Variants in CAMKMT observed in about 807,000 individuals in gnomAD.
CAMKMT encodes CaM KMT.
CAMKMT carries 53 observed loss-of-function variants against 48.0 expected under a neutral mutation model. The observed-to-expected ratio is 1.10, with a 90% CI of 0.89 to 1.39. The LOEUF (loss-of-function observed/expected upper bound fraction) is 1.39, where lower values mean the gene tolerates loss of function less well. CAMKMT is among the 40% of genes most tolerant of loss of function. The probability of loss-of-function intolerance (pLI) is 0.00; values close to 1 mark genes in which losing one functional copy is unlikely to be tolerated. For missense variants in CAMKMT, 428 were observed against 402.7 expected (o/e 1.06, Z -0.54); for synonymous variants, 165 against 152.3 (o/e 1.08, Z -0.61).
intron 3 of CAMKMT, chr2:44,400,906 A>ATACATGC (rs1682304753): frequency 1.4e-5 from 2 of 141,636 alleles, no homozygotes; most frequent in Admixed American, 7.3e-5. Context: ...GTATGTGTGT[A>ATACATGC]TGTGCATGTA....
At chr2:44,583,912 G>A (rs1669708055) in intron 3 of CAMKMT, among the ~76,000 whole-genome samples, 1 of 152,200 alleles carries the variant, frequency 6.6e-6, no homozygotes, top group Non-Finnish European at 1.5e-5. Context: ...CCATATGTGA[G>A]TGAATAGGTA....
chr2:44,368,702 G>A (rs911127207), intron 1 of CAMKMT, among the ~76,000 whole-genome samples: 6 of 152,012 alleles, frequency 3.9e-5, no homozygotes, highest in Non-Finnish European at 7.4e-5. Context: ...ACTATTAAAA[G>A]GTATTTACTG....
At chr2:44,439,303 CCTCT>C (rs1366596672) in intron 3 of CAMKMT, among the ~76,000 whole-genome samples, 2 of 151,990 alleles carry the variant, frequency 1.3e-5, no homozygotes, top group South Asian at 2.1e-4. Flanking sequence ...TACAATTAAT[CCTCT>C]CTCTCTCCTA....
chr2:44,707,623 T>C (rs1422830284), intron 6 of CAMKMT, among the ~76,000 whole-genome samples, 161 bp downstream of exon 6: 1 of 152,186 alleles, frequency 6.6e-6, no homozygotes, highest in Non-Finnish European at 1.5e-5. Context: ...ATGAATTCCT[T>C]GCATACAACT....
At chr2:44,362,989 A>G (rs1678110997) in intron 1 of CAMKMT, among the ~76,000 whole-genome samples, 1 of 152,088 alleles carries the variant, frequency 6.6e-6, no homozygotes, top group South Asian at 2.1e-4. Flanking sequence ...ACATTTTTCC[A>G]TTTCTGACAG....
chr2:44,438,775 G>A (rs1666448153), intron 3 of CAMKMT, among the ~76,000 whole-genome samples: 1 of 152,094 alleles, frequency 6.6e-6, no homozygotes, highest in South Asian at 2.1e-4. Flanking sequence ...ACGGCTCGCT[G>A]CAGCCTTTGC....
intron 2 of CAMKMT, among the ~76,000 whole-genome samples, chr2:44,381,798 C>T (rs148520001): frequency 4.6e-5 from 7 of 152,124 alleles, no homozygotes; most frequent in Non-Finnish European, 8.8e-5. Context: ...TTGAAGGCTG[C>T]GTACCAAAAT....
chr2:44,385,067 T>C (rs891774470), intron 2 of CAMKMT, among the ~76,000 whole-genome samples: 4 of 152,200 alleles, frequency 2.6e-5, no homozygotes, highest in Admixed American at 2.6e-4. Flanking sequence ...AGATTGCTTT[T>C]GGCAGTATGG....
At chr2:44,362,549 G>C (rs1222273102) in intron 1 of CAMKMT, among the ~76,000 whole-genome samples, 1 of 152,122 alleles carries the variant, frequency 6.6e-6, no homozygotes, top group African/African-American at 2.4e-5. Context: ...TCGAGTTACC[G>C]ATATTCGTCT....
At chr2:44,726,304 C>T (rs1007938373) in intron 7 of CAMKMT, among the ~76,000 whole-genome samples, 9 of 152,080 alleles carry the variant, frequency 5.9e-5, no homozygotes, top group Non-Finnish European at 8.8e-5. Flanking sequence ...GTATCTTGAC[C>T]TTTTAAGAAT....
At chr2:44,386,500 T>A (rs1417629976) in intron 2 of CAMKMT, among the ~76,000 whole-genome samples, 4 of 152,128 alleles carry the variant, frequency 2.6e-5, no homozygotes, top group Non-Finnish European at 5.9e-5. Context: ...TTGTTGTTGT[T>A]GTTTCAATTT....
chr2:44,591,589 A>C (rs1324761077), intron 3 of CAMKMT, among the ~76,000 whole-genome samples: 1 of 152,112 alleles, frequency 6.6e-6, no homozygotes, highest in Admixed American at 6.5e-5. Flanking sequence ...ATGTGGAGAA[A>C]TAGGAACACT....
intron 3 of CAMKMT, among the ~76,000 whole-genome samples, chr2:44,607,246 C>G (rs960261566): frequency 2.0e-5 from 3 of 152,150 alleles, no homozygotes; most frequent in African/African-American, 4.8e-5. Context: ...ATCATTCTAA[C>G]TCTTAAGAAC....
intron 3 of CAMKMT, among the ~76,000 whole-genome samples, chr2:44,662,193 C>T (rs1009795587): frequency 6.6e-6 from 1 of 152,202 alleles, no homozygotes; most frequent in Non-Finnish European, 1.5e-5. Context: ...CAGCTCTGTT[C>T]TTTATATGAA....
intron 3 of CAMKMT, among the ~76,000 whole-genome samples, chr2:44,620,597 C>T (rs999110002): frequency 3.3e-5 from 5 of 152,210 alleles, no homozygotes; most frequent in Non-Finnish European, 7.3e-5. Flanking sequence ...CTCTTTAATT[C>T]CTCAACTTGG....
intron 3 of CAMKMT, among the ~76,000 whole-genome samples, chr2:44,603,623 C>G (rs188547956): frequency 3.3e-5 from 5 of 152,232 alleles, no homozygotes; most frequent in African/African-American, 1.2e-4. Flanking sequence ...AGTCATCTGG[C>G]CATTCCACCA....
rs151214410 is a variant in CAMKMT at position 44,514,997 on chromosome 2, G to A, written c.376+124692G>A. ...CCTCTGAGAAGTTGGGTAGTCCTGTGTAGACCACTCACTTATTTCTACCAG... is the reference window on the plus strand; with the variant it reads ...CCTCTGAGAAGTTGGGTAGTCCTGTATAGACCACTCACTTATTTCTACCAG... On this transcript the variant is annotated intron_variant, in intron 3 of 10. Coordinates refer to ENST00000378494, the MANE Select transcript of CAMKMT (RefSeq NM_024766.5). Among the ~76,000 whole-genome samples the A allele has an allele frequency of 3.4e-4, 52 of 152,310 alleles. No individual in the cohort carries two copies. In the East Asian group the frequency reaches 3.9e-3, roughly 11 times the overall value.
intron 2 of CAMKMT, among the ~76,000 whole-genome samples, chr2:44,386,942 T>A (rs977811836): frequency 1.4e-4 from 21 of 152,144 alleles, no homozygotes; most frequent in South Asian, 2.1e-4. Context: ...TATCATATGG[T>A]CTGTCTTGGA....
chr2:44,480,947 C>T (rs1470398056), intron 3 of CAMKMT, among the ~76,000 whole-genome samples: 1 of 151,836 alleles, frequency 6.6e-6, no homozygotes, highest in Non-Finnish European at 1.5e-5. Context: ...GGTTGTAGAA[C>T]ATTTGGATCA....
Sources: allele counts gnomAD v4.1 joint callset (sites outside exome capture counted in the v4.1 genomes callset), GRCh38; gene constraint gnomAD v4.1.1; transcripts MANE v1.5; gene names NCBI Gene and HGNC (gene_info 2026-07-23, HGNC 2026-07-21).